Variants in SESN1 observed in about 807,000 individuals in gnomAD.
SESN1 encodes the protein sestrin-1.
In SESN1, 30 loss-of-function variants were observed where a neutral mutation model predicts 59.3. The observed-to-expected ratio is 0.51, with a 90% CI of 0.38 to 0.69. The LOEUF is 0.69. Ranked by LOEUF, SESN1 falls within the 30% of genes least tolerant of loss-of-function variation. SESN1 has a pLI of 0.00. For missense variants in SESN1, 566 were observed against 673.0 expected, an observed-to-expected ratio of 0.84 and a Z score of 1.76; for synonymous variants, 197 against 219.9, an observed-to-expected ratio of 0.90 and a Z score of 0.92.
intron 1 of SESN1, among the ~76,000 whole-genome samples, chr6:109,037,029 C>T (rs756910189): frequency 2.6e-5 from 4 of 152,078 alleles, no homozygotes; most frequent in South Asian, 2.1e-4. Flanking sequence ...ACAGGGCCCC[C>T]GCCCATAATG....
At chr6:109,018,792 C>T (rs1267048004) in intron 1 of SESN1, among the ~76,000 whole-genome samples, 3 of 152,094 alleles carry the variant, frequency 2.0e-5, no homozygotes, top group African/African-American at 7.2e-5. Context: ...AACCATTTAT[C>T]TAAGTCTATA....
chr6:109,067,734 TCA>T (rs890924088), intron 1 of SESN1, among the ~76,000 whole-genome samples: 3 of 152,218 alleles, frequency 2.0e-5, no homozygotes, highest in Non-Finnish European at 2.9e-5. Context: ...ACTATTCTTT[TCA>T]CAGTCTCAAT....
At chr6:109,076,870 C>G (rs1781040052) in intron 1 of SESN1, among the ~76,000 whole-genome samples, 1 of 152,200 alleles carries the variant, frequency 6.6e-6, no homozygotes, top group Non-Finnish European at 1.5e-5. Flanking sequence ...CTTAATGACA[C>G]AAATATATTC....
chr6:108,991,199 G>A (rs977061371), intron 7 of SESN1, among the ~76,000 whole-genome samples: 1 of 151,802 alleles, frequency 6.6e-6, no homozygotes, highest in Non-Finnish European at 1.5e-5. Flanking sequence ...TTCCATTGCT[G>A]CAGCCATTCA....
At chr6:109,024,327 G>C (rs934150155) in intron 1 of SESN1, among the ~76,000 whole-genome samples, 1 of 151,978 alleles carries the variant, frequency 6.6e-6, no homozygotes, top group Non-Finnish European at 1.5e-5. Flanking sequence ...AGAGAAAAAA[G>C]GAATAGTGAA....
intron 1 of SESN1, among the ~76,000 whole-genome samples, chr6:109,076,897 A>G (rs1781040480): frequency 6.6e-6 from 1 of 152,210 alleles, no homozygotes; most frequent in African/African-American, 2.4e-5. Context: ...ATGTGTTGTT[A>G]TGTGATCTAA....
chr6:109,046,023 A>G (rs530919338), intron 1 of SESN1, among the ~76,000 whole-genome samples: 3 of 152,362 alleles, frequency 2.0e-5, no homozygotes, highest in South Asian at 2.1e-4. Flanking sequence ...AATAATTCAT[A>G]TACTTTGGAA....
intron 1 of SESN1, among the ~76,000 whole-genome samples, chr6:109,053,679 A>G (rs981124934): frequency 1.3e-5 from 2 of 152,248 alleles, no homozygotes; most frequent in African/African-American, 4.8e-5. Flanking sequence ...TGCAATGAGA[A>G]GGCATTAGAC....
chr6:108,990,893 T>C, intron 7 of SESN1, 58 bp from the exon 8 acceptor site: 1 of 1,420,262 alleles, frequency 7.0e-7, no homozygotes. Context: ...GTTCTATATC[T>C]ATAGCTCTGT....
Position 109,094,355 on chromosome 6 carries a change from T to C in SESN1, c.-282A>G. The C allele has an allele frequency of 2.2e-6, 1 of 451,186 alleles. No individual in the cohort carries two copies. The highest frequency in any genetic ancestry group is 5.9e-4 in the Middle Eastern group (1 of 1,688). 27.9% of individuals were successfully genotyped at this position (451,186 alleles called of 1,614,324 possible). On this transcript the variant is annotated 5_prime_UTR_variant, in exon 1 of 10. Transcript: ENST00000436639. Reference sequence around the variant, plus strand: ...AGCGCTGGCTTTGGTGGGCAGAGAATTTCGGGGAAGCGTTCTCCTCCGTCT... The same window carrying C: ...AGCGCTGGCTTTGGTGGGCAGAGAACTTCGGGGAAGCGTTCTCCTCCGTCT...
At position 109,002,148 on chromosome 6, in the gene SESN1, A is replaced by C. The variant is rs950180485; in HGVS notation, c.345+130T>G. On this transcript the variant is annotated intron_variant, in intron 2 of 9. Coordinates refer to ENST00000436639, the MANE Select transcript of SESN1 (RefSeq NM_014454.3). Reference sequence around the variant, plus strand: ...ATTCCCACAGATTCACTGCCAAAGAATGATTAACTGCAACCAACTCTGACT... The same window carrying C: ...ATTCCCACAGATTCACTGCCAAAGACTGATTAACTGCAACCAACTCTGACT... The C allele has an allele frequency of 4.3e-6, 3 of 696,218 alleles. No homozygotes were observed. The African/African-American group carries it at 5.4e-5, about 12-fold the overall frequency. 43.1% of individuals were successfully genotyped at this position (696,218 alleles called of 1,614,324 possible).
chr6:108,998,795 G>A (rs747918067), intron 4 of SESN1, 40 bp from the exon 5 acceptor site: 15 of 1,573,134 alleles, frequency 9.5e-6, no homozygotes, highest in African/African-American at 1.4e-5. Context: ...TTTGTACTGG[G>A]GTGTGGTAAA....
At chr6:109,089,252 G>T (rs1356009396) in intron 1 of SESN1, among the ~76,000 whole-genome samples, 1 of 152,202 alleles carries the variant, frequency 6.6e-6, no homozygotes, top group East Asian at 1.9e-4. Flanking sequence ...AAGCATTATG[G>T]AGTGCTACAT....
intron 1 of SESN1, among the ~76,000 whole-genome samples, chr6:109,051,322 A>G (rs535784415): frequency 1.6e-3 from 241 of 150,028 alleles, no homozygotes; most frequent in African/African-American, 5.5e-3. Flanking sequence ...AAACATTGAA[A>G]CTGAGTCAGA....
chr6:109,001,151 A>G, intron 3 of SESN1, 137 bp downstream of exon 3: 1 of 763,408 alleles, frequency 1.3e-6, no homozygotes, highest in South Asian at 2.1e-5. Flanking sequence ...AAAAATAGGA[A>G]AAACAGAGAC....
chr6:109,020,095 A>G (rs75671532), intron 1 of SESN1, among the ~76,000 whole-genome samples: 15,237 of 152,264 alleles, frequency 0.1, 929 homozygotes, highest in Middle Eastern at 0.19. Context: ...AAAAACACAA[A>G]CTTAGCAACA....
At chr6:109,041,238 G>C (rs1780337945) in intron 1 of SESN1, among the ~76,000 whole-genome samples, 1 of 151,896 alleles carries the variant, frequency 6.6e-6, no homozygotes, top group Non-Finnish European at 1.5e-5. Context: ...TTTGAACACA[G>C]AAGGTTAAGG....
chr6:109,030,937 C>A (rs1370470774), intron 1 of SESN1, among the ~76,000 whole-genome samples: 1 of 152,236 alleles, frequency 6.6e-6, no homozygotes, highest in Non-Finnish European at 1.5e-5. Flanking sequence ...CACTACTCAA[C>A]TGTTTAAAAT....
chr6:109,027,476 CAAAAAAAAAAAAAAAAAA>C (rs57225616), intron 1 of SESN1, among the ~76,000 whole-genome samples: 1 of 27,326 alleles, frequency 3.7e-5, no homozygotes, highest in Non-Finnish European at 7.7e-5. Context: ...GACTCTGTCT[CAAAAAAAAAAAAAAAAAA>C]AAAAAAAAGA....
Sources: allele counts gnomAD v4.1 joint callset (sites outside exome capture counted in the v4.1 genomes callset), GRCh38; gene constraint gnomAD v4.1.1; transcripts MANE v1.5; gene names NCBI Gene and HGNC (gene_info 2026-07-23, HGNC 2026-07-21).